Variants in RBFOX1 observed in about 807,000 individuals in gnomAD.
RBFOX1 encodes RNA binding fox-1 homolog 1.
In RBFOX1, 8 loss-of-function variants were observed where a neutral mutation model predicts 57.7. The observed-to-expected ratio is 0.14, with a 90% CI of 0.08 to 0.25. RBFOX1 has a LOEUF of 0.25. RBFOX1 is among the 10% of genes least tolerant of loss of function. The pLI is 1.00. For missense variants in RBFOX1, 611 were observed against 548.5 expected (o/e 1.11, Z -1.14); for synonymous variants, 326 against 222.4 (o/e 1.47, Z -4.15).
At chr16:6,960,344 T>C (rs573801894) in intron 3 of RBFOX1, among the ~76,000 whole-genome samples, 9 of 152,300 alleles carry the variant, frequency 5.9e-5, no homozygotes, top group African/African-American at 2.2e-4. Context: ...CAGGTAGACA[T>C]ATAGCTTAGA....
intron 3 of RBFOX1, among the ~76,000 whole-genome samples, chr16:6,987,434 G>C (rs1362804332): frequency 1.4e-5 from 2 of 146,628 alleles, no homozygotes; most frequent in Non-Finnish European, 3.0e-5. Flanking sequence ...CTTATCTCAG[G>C]ACAGCAACAG....
At chr16:5,763,198 C>T (rs887316906) in intron 3 of RBFOX1, among the ~76,000 whole-genome samples, 9 of 152,154 alleles carry the variant, frequency 5.9e-5, no homozygotes, top group Non-Finnish European at 1.0e-4. Context: ...CTTCCTTCCC[C>T]GCTGTTGGCA....
At chr16:6,592,300 C>A (rs757427804) in intron 2 of RBFOX1, among the ~76,000 whole-genome samples, 3 of 152,186 alleles carry the variant, frequency 2.0e-5, no homozygotes, top group Non-Finnish European at 1.5e-5. Flanking sequence ...TAAGCTTCCT[C>A]CATGATGGAT....
Position 5,608,288 on chromosome 16 carries a change from C to T in RBFOX1, c.318+9327C>T, listed in dbSNP as rs117429311. On this transcript the variant is annotated intron_variant, in intron 3 of 19. Coordinates refer to the RBFOX1 transcript ENST00000641259. ...GGGTCAGTGTTGCAAGGGTGTAGGA[C>T]GGGAACCAAGGGCTCTGTTTCCGTA... Among the ~76,000 whole-genome samples the T allele has an allele frequency of 5.7e-3, 862 of 152,248 alleles. 5 individuals are homozygous for T. Among genetic ancestry groups the T allele is most frequent in the Non-Finnish European group, 9.5e-3 (645 of 68,022 alleles).
At chr16:5,308,087 C>T (rs556050637) in intron 1 of RBFOX1, among the ~76,000 whole-genome samples, 1 of 152,042 alleles carries the variant, frequency 6.6e-6, no homozygotes, top group Non-Finnish European at 1.5e-5. Context: ...CGCTTGTAAT[C>T]CCAGCATTTT....
At chr16:5,537,759 C>T (rs1279850879) in intron 2 of RBFOX1, among the ~76,000 whole-genome samples, 1 of 152,218 alleles carries the variant, frequency 6.6e-6, no homozygotes, top group Non-Finnish European at 1.5e-5. Flanking sequence ...AAGGTGCTCT[C>T]TGCTTCTAAG....
intron 1 of RBFOX1, among the ~76,000 whole-genome samples, chr16:5,412,550 C>T (rs541767784): frequency 6.6e-6 from 1 of 152,160 alleles, no homozygotes; most frequent in South Asian, 2.1e-4. Flanking sequence ...TTTTGCAGGT[C>T]ATTACAGTGG....
intron 3 of RBFOX1, among the ~76,000 whole-genome samples, chr16:6,706,009 C>A (rs779893066): frequency 6.6e-6 from 1 of 152,104 alleles, no homozygotes; most frequent in Non-Finnish European, 1.5e-5. Context: ...AAGAGCAAGA[C>A]TCTGTCTTAA....
At chr16:5,403,665 C>T (rs1328793135) in intron 1 of RBFOX1, among the ~76,000 whole-genome samples, 3 of 152,066 alleles carry the variant, frequency 2.0e-5, no homozygotes, top group South Asian at 2.1e-4. Flanking sequence ...AGGCTGGTCT[C>T]GAGTTCCTGA....
At chr16:6,601,837 A>G (rs567396377) in intron 2 of RBFOX1, among the ~76,000 whole-genome samples, 1 of 152,328 alleles carries the variant, frequency 6.6e-6, no homozygotes, top group African/African-American at 2.4e-5. Context: ...TGAAGATGTT[A>G]AAGAGAGGGG....
At chr16:6,811,883 C>T (rs55668545) in intron 3 of RBFOX1, among the ~76,000 whole-genome samples, 8,215 of 152,160 alleles carry the variant, frequency 0.054, 275 homozygotes, top group Middle Eastern at 0.095. Context: ...GAGTGAAACT[C>T]CATCTCAAAA....
intron 1 of RBFOX1, among the ~76,000 whole-genome samples, chr16:6,157,562 A>G (rs1160846950): frequency 6.6e-6 from 1 of 151,962 alleles, no homozygotes; most frequent in African/African-American, 2.4e-5. Context: ...CTATTTTTGG[A>G]CTCTTATTTG....
chr16:7,374,558 A>T (rs2097648470), intron 4 of RBFOX1, among the ~76,000 whole-genome samples: 1 of 152,068 alleles, frequency 6.6e-6, no homozygotes, highest in Non-Finnish European at 1.5e-5. Flanking sequence ...AGCAATCCTA[A>T]CCCCACCCCC....
intron 3 of RBFOX1, among the ~76,000 whole-genome samples, chr16:6,722,674 C>G (rs989473935): frequency 4.2e-4 from 64 of 152,168 alleles, no homozygotes; most frequent in Admixed American, 2.5e-3. Flanking sequence ...GGCTAAAATT[C>G]TGTGTCTCTC....
intron 3 of RBFOX1, among the ~76,000 whole-genome samples, chr16:5,865,962 C>A (rs1487280374): frequency 1.3e-5 from 2 of 151,924 alleles, no homozygotes. Flanking sequence ...TGCTCTCTCT[C>A]CTCTTTTATG....
chr16:6,575,316 ATTTTC>A (rs1192818190), intron 2 of RBFOX1, among the ~76,000 whole-genome samples: 4 of 152,112 alleles, frequency 2.6e-5, no homozygotes, highest in African/African-American at 9.6e-5. Context: ...GTATATTTAT[ATTTTC>A]TTCAAATTTA....
At chr16:6,582,937 C>G (rs1600576148) in intron 2 of RBFOX1, among the ~76,000 whole-genome samples, 1 of 151,812 alleles carries the variant, frequency 6.6e-6, no homozygotes, top group Non-Finnish European at 1.5e-5. Flanking sequence ...CCCCTCCCCT[C>G]CCCTCCTCTT....
intron 4 of RBFOX1, among the ~76,000 whole-genome samples, chr16:5,993,456 T>A (rs2060440511): frequency 6.6e-6 from 1 of 151,622 alleles, no homozygotes; most frequent in Non-Finnish European, 1.5e-5. Flanking sequence ...TCAAGCCTGT[T>A]TTGTATGAAG....
At chr16:5,292,964 G>C (rs1282266328) in intron 1 of RBFOX1, among the ~76,000 whole-genome samples, 2 of 151,980 alleles carry the variant, frequency 1.3e-5, no homozygotes, top group Admixed American at 6.6e-5. Flanking sequence ...AATTAACTCC[G>C]GGGTGTCCCA....
Sources: gnomAD v4.1 joint callset for allele counts (sites outside exome capture counted in the v4.1 genomes callset) on GRCh38, gnomAD v4.1.1 for gene constraint, MANE v1.5 for transcripts, NCBI Gene and HGNC (gene_info 2026-07-23, HGNC 2026-07-21) for gene names.